The following SRP9 variants were observed in gnomAD, a reference collection of about 807,000 sequenced individuals.
SRP9 encodes signal recognition particle 9.
SRP9 carries 2 observed loss-of-function variants against 11.7 expected under a neutral mutation model. That is an observed-to-expected ratio of 0.17 (90% CI 0.07 to 0.54). The LOEUF (loss-of-function observed/expected upper bound fraction) is 0.54. Among genes scored for constraint, SRP9 ranks in the 20% least tolerant of loss-of-function variants. SRP9 has a pLI of 0.94. For missense variants in SRP9, 54 were observed against 108.1 expected (o/e 0.50, Z 2.22); for synonymous variants, 27 against 35.6 (o/e 0.76, Z 0.86).
intron 1 of SRP9, among the ~76,000 whole-genome samples, chr1:225,780,424 G>A (rs138459974): frequency 0.02 from 2,992 of 152,116 alleles, 45 homozygotes; most frequent in South Asian, 0.03. Flanking sequence ...TTGTTGCCCA[G>A]GCTGGAGGGC....
intron 2 of SRP9, among the ~76,000 whole-genome samples, chr1:225,786,328 GAT>G (rs1164672416): frequency 1.3e-5 from 2 of 152,220 alleles, no homozygotes; most frequent in African/African-American, 4.8e-5. Context: ...AGACAATAGA[GAT>G]AGATCAGTAA....
intron 2 of SRP9, among the ~76,000 whole-genome samples, chr1:225,787,599 G>A (rs1665944101): frequency 6.6e-6 from 1 of 152,276 alleles, no homozygotes; most frequent in East Asian, 1.9e-4. Context: ...ATCTCCAATT[G>A]ATGGCTCTTT....
intron 2 of SRP9, chr1:225,786,845 C>CTTTT: frequency 2.6e-6 from 3 of 1,132,304 alleles, no homozygotes; most frequent in Non-Finnish European, 3.5e-6. Context: ...TGGTTGATTG[C>CTTTT]TTTTTTTTTT....
In SRP9 at chr1:225,789,265, C is replaced by G; in HGVS notation, c.167C>G (p.Ala56Gly). The G allele has an allele frequency of 6.2e-7, 1 of 1,610,608 alleles. No homozygotes were observed. Among genetic ancestry groups the G allele is most frequent in the Non-Finnish European group, 8.5e-7 (1 of 1,178,852 alleles). The change falls in exon 3 of 3, where the codon GCT (alanine) becomes GGT (glycine). Residue 56 changes from alanine (A) to glycine (G), a missense_variant. By Grantham distance (60) the Ala-to-Gly change is moderately conservative (BLOSUM62 0). Coordinates refer to ENST00000304786, the MANE Select transcript of SRP9 (RefSeq NM_003133.6). ...TGTTTGGTGTATAAAACAGACCAAGCTCAAGATGTAAAGAAGATTGAGAAA... is the reference window on the plus strand; with the variant it reads ...TGTTTGGTGTATAAAACAGACCAAGGTCAAGATGTAAAGAAGATTGAGAAA... Reference protein sequence around the residue: ...LVCLVYKTDQAQDVKKIEKFH... With the variant: ...LVCLVYKTDQGQDVKKIEKFH...
chr1:225,787,781 C>T (rs1228283167), intron 2 of SRP9, among the ~76,000 whole-genome samples: 2 of 152,098 alleles, frequency 1.3e-5, no homozygotes, highest in South Asian at 2.1e-4. Context: ...TACATTCTCT[C>T]ATAGGACATG....
At chr1:225,781,945 C>G (rs1338434277) in intron 1 of SRP9, among the ~76,000 whole-genome samples, 1 of 151,990 alleles carries the variant, frequency 6.6e-6, no homozygotes, top group Non-Finnish European at 1.5e-5. Flanking sequence ...CCCTTTCCTC[C>G]TTCACTCAGA....
chr1:225,778,612 C>CT (rs1004437938), intron 1 of SRP9, among the ~76,000 whole-genome samples: 1 of 152,180 alleles, frequency 6.6e-6, no homozygotes, highest in African/African-American at 2.4e-5. Context: ...TCATGGACCT[C>CT]TGAAATACAT....
chr1:225,783,503 C>G (rs949171008), intron 2 of SRP9, 135 bp downstream of exon 2: 2 of 689,140 alleles, frequency 2.9e-6, no homozygotes, highest in Non-Finnish European at 4.8e-6. Flanking sequence ...AGATGAAGAA[C>G]CTCATTCTAG....
chr1:225,779,743 C>CTCAATTATAA, intron 1 of SRP9, among the ~76,000 whole-genome samples: 1 of 152,228 alleles, frequency 6.6e-6, no homozygotes, highest in Middle Eastern at 3.4e-3. Context: ...TTGTTTATAA[C>CTCAATTATAA]ACTGGTGACT....
At position 225,778,031 on chromosome 1, in the gene SRP9, C is replaced by A. The variant is rs1168175462; in HGVS notation, c.72+19C>A. 6.2e-7 allele frequency: 1 copy of A among 1,613,984 alleles called. No individual in the cohort carries two copies. ...TATGAAGGTAAATCGCTGGCGGGGC[C>A]GCTGCTTTGGGCCCCAGCCCAGGAT... On this transcript the variant is annotated intron_variant, in intron 1 of 2. Coordinates refer to ENST00000304786, the MANE Select transcript of SRP9 (RefSeq NM_003133.6).
chr1:225,783,136 A>AT (rs767575058), intron 1 of SRP9, among the ~76,000 whole-genome samples, 164 bp from the exon 2 acceptor site: 155 of 150,548 alleles, frequency 1.0e-3, no homozygotes, highest in African/African-American at 1.9e-3. Context: ...AAAATAGCTG[A>AT]TTTTTTTTTT....
At chr1:225,786,312 C>T (rs777103569) in intron 2 of SRP9, among the ~76,000 whole-genome samples, 34 of 152,142 alleles carry the variant, frequency 2.2e-4, no homozygotes, top group Non-Finnish European at 3.8e-4. Context: ...AATAGACTGC[C>T]CTTCAAGACA....
At chr1:225,786,757 A>G in intron 2 of SRP9, 2 of 1,190,410 alleles carry the variant, frequency 1.7e-6, no homozygotes, top group Non-Finnish European at 2.1e-6. Flanking sequence ...TGATAGTAAA[A>G]AAATATATGA....
intron 2 of SRP9, chr1:225,786,940 T>A: frequency 1.5e-6 from 1 of 658,746 alleles, no homozygotes; most frequent in Non-Finnish European, 2.4e-6. Flanking sequence ...CCTCCTGGGC[T>A]CAAGCGGTCC....
At position 225,781,397 on chromosome 1, in the gene SRP9, T is replaced by TTTTC. The variant is rs1665796399; in HGVS notation, c.73-1900_73-1899insCTTT. Among the ~76,000 whole-genome samples the TTTTC allele has an allele frequency of 3.7e-5, 4 of 108,372 alleles. No individual in the cohort carries two copies. The South Asian group carries it at 9.7e-4, about 26-fold the overall frequency. The allele number at this position is 108,372 out of a possible 152,430, so 71.1% of individuals were successfully genotyped here. A position where few individuals can be genotyped will look rare whatever the true frequency, so the allele number is the denominator to read the frequency against. The stretch of plus-strand genomic sequence containing the variant: ...TTGGCCTTTTTTCTTTTCTTTTTCT[T>TTTTC]TTTTTTTTTTTTTTTTTTTGAGACA... On this transcript the variant is annotated intron_variant, in intron 1 of 2. Transcript: ENST00000304786.
intron 2 of SRP9, chr1:225,788,925 A>C: frequency 7.2e-7 from 1 of 1,392,428 alleles, no homozygotes; most frequent in Non-Finnish European, 9.6e-7. Context: ...CGAAGGAAGA[A>C]AATATCTAAT....
intron 1 of SRP9, among the ~76,000 whole-genome samples, chr1:225,782,860 C>T (rs1264967203): frequency 6.6e-6 from 1 of 152,160 alleles, no homozygotes; most frequent in Non-Finnish European, 1.5e-5. Context: ...GTTGCACTGA[C>T]CTGCAGCACT....
chr1:225,779,142 T>C (rs79845461), intron 1 of SRP9, among the ~76,000 whole-genome samples: 2 of 151,868 alleles, frequency 1.3e-5, no homozygotes, highest in Non-Finnish European at 2.9e-5. Context: ...TTTTTTTTTT[T>C]TCAATAGTTT....
At chr1:225,779,311 A>G (rs1180697685) in intron 1 of SRP9, among the ~76,000 whole-genome samples, 3 of 151,770 alleles carry the variant, frequency 2.0e-5, no homozygotes, top group Non-Finnish European at 4.4e-5. Flanking sequence ...CACCTGGCTA[A>G]TTTTTTGTAT....
Sources: allele counts gnomAD v4.1 joint callset (sites outside exome capture counted in the v4.1 genomes callset), GRCh38; gene constraint gnomAD v4.1.1; transcripts MANE v1.5; gene names NCBI Gene and HGNC (gene_info 2026-07-23, HGNC 2026-07-21).